The following PDGFC variants were observed in gnomAD, a reference collection of about 807,000 sequenced individuals.
The protein encoded by PDGFC is platelet-derived growth factor C.
Under a neutral mutation model 35.5 loss-of-function variants are expected in PDGFC, and 12 were observed. The ratio of observed to expected loss-of-function variants is 0.34; its 90% confidence interval spans 0.22 to 0.55. PDGFC has a LOEUF of 0.55. Among genes scored for constraint, PDGFC ranks in the 20% least tolerant of loss-of-function variants. PDGFC has a pLI of 0.91. For synonymous variants in PDGFC, 159 were observed against 148.8 expected (o/e 1.07, Z -0.50); for missense variants, 322 against 412.4 (o/e 0.78, Z 1.90).
chr4:156,780,665 T>C (rs772631935), intron 3 of PDGFC, among the ~76,000 whole-genome samples: 2 of 152,176 alleles, frequency 1.3e-5, no homozygotes, highest in Non-Finnish European at 2.9e-5. Context: ...CAGAGTTATT[T>C]ACTTTAAAAT....
chr4:156,971,248 C>A lies in PDGFC; in HGVS notation c.-345G>T. The A allele has an allele frequency of 4.6e-6, 2 of 432,726 alleles. No homozygotes were observed. Among genetic ancestry groups the A allele is most frequent in the South Asian group, 8.3e-5 (1 of 12,002 alleles). 26.8% of individuals were successfully genotyped at this position (432,726 alleles called of 1,614,324 possible). A position where few individuals can be genotyped will look rare whatever the true frequency, so the allele number is the denominator to read the frequency against. Reference sequence around the variant, plus strand: ...ACGCGGGGGAGCGGCGAGAAGTCCCCAGCAAGTTGCTGGGAGCACCTGTCA... The same window carrying A: ...ACGCGGGGGAGCGGCGAGAAGTCCCAAGCAAGTTGCTGGGAGCACCTGTCA... On this transcript the variant is annotated 5_prime_UTR_variant, in exon 1 of 6. Transcript: ENST00000502773.
intron 2 of PDGFC, among the ~76,000 whole-genome samples, chr4:156,815,769 T>C (rs1329041313): frequency 6.6e-6 from 1 of 152,102 alleles, no homozygotes; most frequent in Non-Finnish European, 1.5e-5. Context: ...CACTCTCAGG[T>C]ATTAATTTCC....
intron 1 of PDGFC, among the ~76,000 whole-genome samples, chr4:156,950,688 G>C (rs1434915270): frequency 6.6e-6 from 1 of 150,918 alleles, no homozygotes. Flanking sequence ...CTCCACTATA[G>C]TTCAATAAGC....
chr4:156,903,222 A>T (rs1216876160), intron 1 of PDGFC, among the ~76,000 whole-genome samples: 1 of 152,058 alleles, frequency 6.6e-6, no homozygotes, highest in African/African-American at 2.4e-5. Context: ...TTAAACTTAC[A>T]TACAAATACA....
intron 1 of PDGFC, among the ~76,000 whole-genome samples, chr4:156,870,247 T>G (rs1729947576): frequency 6.6e-6 from 1 of 152,176 alleles, no homozygotes; most frequent in Admixed American, 6.5e-5. Context: ...TTTATAACAC[T>G]TTAACAAGTT....
chr4:156,961,585 T>C (rs569520892), intron 1 of PDGFC, among the ~76,000 whole-genome samples: 2 of 152,260 alleles, frequency 1.3e-5, no homozygotes, highest in South Asian at 4.1e-4. Context: ...CCACAAAATC[T>C]TTCCAGCATT....
chr4:156,772,758 C>T lies in PDGFC; in HGVS notation c.631G>A (p.Asp211Asn). The T allele has an allele frequency of 1.2e-6, 2 of 1,613,528 alleles. No homozygotes were observed. The highest frequency in any genetic ancestry group is 1.7e-6 in the Non-Finnish European group (2 of 1,179,568). ...RYLEPERWQL[D>N]LEDLYRPTWQ... is the part of the protein sequence containing the mutation. ...GTTGGCCTATATAGATCTTCTAAGT[C>T]CAACTGCCATCTCTCTGGTTCAAGA... The change falls in exon 4 of 6, where the codon GAC (aspartate) becomes AAC (asparagine). Residue 211 changes from aspartate (D) to asparagine (N), a missense_variant. Physicochemically the swap from Asp to Asn is conservative, Grantham distance 23. Around this residue, in one of 2 missense-constraint regions of PDGFC, gnomAD observed 202 missense variants for 295.9 expected, o/e 0.68. Transcript: ENST00000502773.
At chr4:156,789,436 G>A (rs771764014) in intron 3 of PDGFC, among the ~76,000 whole-genome samples, 5 of 152,124 alleles carry the variant, frequency 3.3e-5, no homozygotes, top group Admixed American at 6.6e-5. Flanking sequence ...CTGTGTGTAC[G>A]GGGGCATTCA....
intron 1 of PDGFC, among the ~76,000 whole-genome samples, chr4:156,869,334 G>A (rs11728617): frequency 0.097 from 14,674 of 151,836 alleles, 978 homozygotes; most frequent in South Asian, 0.42. Context: ...TACTCCGGAG[G>A]CTGAGGCAGG....
chr4:156,787,641 T>C (rs1031421629), intron 3 of PDGFC, among the ~76,000 whole-genome samples: 4 of 151,278 alleles, frequency 2.6e-5, no homozygotes, highest in Non-Finnish European at 5.9e-5. Context: ...ACCAATAGAA[T>C]GGCCAATGGA....
intron 2 of PDGFC, among the ~76,000 whole-genome samples, chr4:156,824,763 C>T (rs563620851): frequency 2.6e-5 from 4 of 152,212 alleles, no homozygotes; most frequent in Admixed American, 2.6e-4. Context: ...TGAGAGATGG[C>T]TTCCATGACA....
intron 1 of PDGFC, among the ~76,000 whole-genome samples, chr4:156,942,876 T>G (rs1731842381): frequency 6.6e-6 from 1 of 151,958 alleles, no homozygotes; most frequent in African/African-American, 2.4e-5. Context: ...CTTTAAGGAA[T>G]TCTGAGATTT....
intron 1 of PDGFC, among the ~76,000 whole-genome samples, chr4:156,954,631 T>C (rs941118138): frequency 7.9e-5 from 12 of 152,160 alleles, no homozygotes; most frequent in African/African-American, 2.9e-4. Context: ...ATGATACATT[T>C]TTTTTTCTTA....
intron 3 of PDGFC, among the ~76,000 whole-genome samples, chr4:156,787,941 G>A (rs1235840794): frequency 6.6e-6 from 1 of 152,058 alleles, no homozygotes; most frequent in African/African-American, 2.4e-5. Flanking sequence ...GAAAATGTAA[G>A]GTAACAGTCT....
chr4:156,893,988 AC>A (rs1730574499), intron 1 of PDGFC, among the ~76,000 whole-genome samples: 1 of 152,120 alleles, frequency 6.6e-6, no homozygotes, highest in African/African-American at 2.4e-5. Flanking sequence ...GTAGTTCACA[AC>A]CATGTATCAT....
At chr4:156,826,815 T>G (rs1489533931) in intron 2 of PDGFC, among the ~76,000 whole-genome samples, 2 of 152,170 alleles carry the variant, frequency 1.3e-5, no homozygotes, top group Admixed American at 1.3e-4. Context: ...ACCAGCAGCA[T>G]AAGCCATTTT....
chr4:156,890,133 A>T (rs1730469753), intron 1 of PDGFC, among the ~76,000 whole-genome samples: 1 of 152,038 alleles, frequency 6.6e-6, no homozygotes, highest in South Asian at 2.1e-4. Flanking sequence ...ACATGTGTCA[A>T]GTGAGGTGAC....
chr4:156,947,412 G>T (rs78822217), intron 1 of PDGFC, among the ~76,000 whole-genome samples: 1 of 151,966 alleles, frequency 6.6e-6, no homozygotes, highest in African/African-American at 2.4e-5. Flanking sequence ...AGGGGTTCTA[G>T]ACTCTGCAGA....
At chr4:156,899,204 G>A (rs544506094) in intron 1 of PDGFC, among the ~76,000 whole-genome samples, 124 of 152,220 alleles carry the variant, frequency 8.1e-4, no homozygotes, top group African/African-American at 2.6e-3. Flanking sequence ...AAATTGTCTC[G>A]TACCCAGTAC....
Sources: gnomAD v4.1 joint callset for allele counts (sites outside exome capture counted in the v4.1 genomes callset) on GRCh38, gnomAD v4.1.1 for gene constraint, gnomAD v4.1.1 regional missense constraint, MANE v1.5 for transcripts, NCBI Gene and HGNC (gene_info 2026-07-23, HGNC 2026-07-21) for gene names.